Variants in POLA1 observed in about 807,000 individuals in gnomAD.
POLA1 encodes the protein DNA polymerase alpha 1, catalytic subunit.
In POLA1, 15 loss-of-function variants were observed where a neutral mutation model predicts 124.0. That is an observed-to-expected ratio of 0.12 (90% CI 0.08 to 0.19). The LOEUF (loss-of-function observed/expected upper bound fraction) is 0.19, where lower values mean the gene tolerates loss of function less well. Among genes scored for constraint, POLA1 ranks in the 10% least tolerant of loss-of-function variants. POLA1 has a pLI of 1.00. For synonymous variants in POLA1, 408 were observed against 389.4 expected, an observed-to-expected ratio of 1.05 and a Z score of -0.56; for missense variants, 886 against 1,103.4, an observed-to-expected ratio of 0.80 and a Z score of 2.79.
intron 23 of POLA1, among the ~76,000 whole-genome samples, chrX:24,743,908 T>C (rs1246117992): frequency 9.1e-6 from 1 of 110,083 alleles, no homozygotes; most frequent in Non-Finnish European, 1.9e-5. Flanking sequence ...TTTTTTTTTT[T>C]TGGAGACAGA....
At chrX:24,895,715 T>G (rs919265263) in intron 35 of POLA1, among the ~76,000 whole-genome samples, 1 of 112,278 alleles carries the variant, frequency 8.9e-6, no homozygotes, top group Non-Finnish European at 1.9e-5. Context: ...GATTCTGCCA[T>G]GTACCCAGCC....
At chrX:24,965,851 A>G (rs1428901687) in intron 36 of POLA1, among the ~76,000 whole-genome samples, 1 of 111,771 alleles carries the variant, frequency 8.9e-6, no homozygotes, top group African/African-American at 3.2e-5. Context: ...AGCTTTTTTC[A>G]TAGTTTTCAA....
At chrX:24,703,742 G>A (rs1011693877) in intron 3 of POLA1, among the ~76,000 whole-genome samples, 10 of 111,809 alleles carry the variant, frequency 8.9e-5, no homozygotes, top group African/African-American at 2.3e-4. Context: ...ATCTCTCTGC[G>A]CCTTAGAGTC....
chrX:24,843,289 C>T (rs1248539056), intron 33 of POLA1, among the ~76,000 whole-genome samples: 1 of 111,600 alleles, frequency 9.0e-6, no homozygotes, highest in Non-Finnish European at 1.9e-5. Context: ...TAGAGTCCCT[C>T]GTATAGTGAA....
intron 36 of POLA1, among the ~76,000 whole-genome samples, chrX:24,971,117 G>A (rs1250515586): frequency 5.3e-5 from 6 of 112,435 alleles, no homozygotes; most frequent in Admixed American, 9.4e-5. Flanking sequence ...ACCCTCAGTA[G>A]CCATCCTGTG....
chrX:24,745,269 C>CT, intron 23 of POLA1, 149 bp from the exon 24 acceptor site: 2 of 314,849 alleles, frequency 6.4e-6, no homozygotes, highest in Middle Eastern at 9.0e-4. Flanking sequence ...GTAGTTGATT[C>CT]TTTTTTTCCC....
chrX:24,703,410 G>A (rs1019410551), intron 3 of POLA1, 63 bp downstream of exon 3: 4 of 778,098 alleles, frequency 5.1e-6, no homozygotes, highest in Non-Finnish European at 7.7e-6. Context: ...GTTGCTTCTT[G>A]TAGATTCTCA....
intron 10 of POLA1, among the ~76,000 whole-genome samples, chrX:24,722,721 C>T (rs1044733876): frequency 7.2e-5 from 8 of 111,764 alleles, no homozygotes; most frequent in African/African-American, 2.6e-4. Flanking sequence ...ATGTTTGTTT[C>T]TCTTTTTTTT....
At chrX:24,897,200 G>A (rs2047216845) in intron 35 of POLA1, among the ~76,000 whole-genome samples, 1 of 111,678 alleles carries the variant, frequency 9.0e-6, no homozygotes, top group African/African-American at 3.3e-5. Context: ...TACCTTTTGG[G>A]ACCTCAAGTT....
At chrX:24,706,002 G>A (rs1018238816) in intron 4 of POLA1, among the ~76,000 whole-genome samples, 2 of 111,770 alleles carry the variant, frequency 1.8e-5, no homozygotes, top group Non-Finnish European at 3.8e-5. Context: ...TCCTTGTAAA[G>A]CTACTTTCCT....
chrX:24,933,728 CAT>C lies in POLA1; in HGVS notation c.4261+3180_4261+3181del, dbSNP rs760635380. On this transcript the variant is annotated intron_variant, in intron 36 of 36. Coordinates refer to ENST00000379068, the MANE Select transcript of POLA1 (RefSeq NM_001330360.2). ...AACTTGGCAATTTGACTTAGAAAAA[CAT>C]GTACAAATTATTTGAAAGAGGTTTA... Among the ~76,000 whole-genome samples the C allele has an allele frequency of 1.2e-4, 14 of 112,299 alleles. 1 individual carries two copies. The East Asian group carries it at 1.9e-3, about 16-fold the overall frequency.
At chrX:24,733,867 AGG>A (rs781782322) in intron 17 of POLA1, 51 bp downstream of exon 17, 1 of 683,069 alleles carries the variant, frequency 1.5e-6, no homozygotes, top group South Asian at 2.7e-5. Context: ...GAGAAAGAAA[AGG>A]GGGGTGGTAT....
intron 30 of POLA1, among the ~76,000 whole-genome samples, chrX:24,817,237 C>A (rs1393738817): frequency 1.8e-5 from 2 of 111,761 alleles, no homozygotes; most frequent in African/African-American, 6.5e-5. Context: ...CTCTTATGTA[C>A]ACAATGCTGA....
Position 24,861,187 on chromosome X carries a change from C to T in POLA1, c.4047+17510C>T, listed in dbSNP as rs183972112. 9.8e-5 allele frequency among the ~76,000 whole-genome samples: 11 copies of T among 112,238 alleles called. No homozygotes were observed. The East Asian group carries it at 3.1e-3, about 31-fold the overall frequency. Reference sequence around the variant, plus strand: ...CACTCCCTTTGCCCAGACTGGAGTGCAATGGTGTGATCTCAGCTCACTGTA... The same window carrying T: ...CACTCCCTTTGCCCAGACTGGAGTGTAATGGTGTGATCTCAGCTCACTGTA... On this transcript the variant is annotated intron_variant, in intron 34 of 36. Transcript: ENST00000379068.
chrX:24,792,523 T>C (rs2045520940), intron 26 of POLA1, among the ~76,000 whole-genome samples: 1 of 112,575 alleles, frequency 8.9e-6, no homozygotes, highest in Non-Finnish European at 1.9e-5. Context: ...CAGTGAGGCT[T>C]TTATTTTTCT....
chrX:24,716,914 G>C lies in POLA1; in HGVS notation c.649G>C (p.Val217Leu). 8.3e-7 allele frequency: 1 copy of C among 1,203,031 alleles called. No homozygotes were observed. Among genetic ancestry groups the C allele is most frequent in the Non-Finnish European group, 1.1e-6 (1 of 888,926 alleles). ...AVPSGKIASP[V>L]SRKEPPLTPV... ...TCCTTCAGGAAAAATTGCTTCCCCT[G>C]TCTCCAGAAAGGAGCCTCCATTAAC... Residue 217 changes from valine to leucine, a missense_variant, in exon 8 of 37, where the codon GTC (valine) becomes CTC (leucine). Around this residue, in one of 7 missense-constraint regions of POLA1, gnomAD observed 337 missense variants for 402.8 expected, o/e 0.84. Coordinates refer to ENST00000379068, the MANE Select transcript of POLA1 (RefSeq NM_001330360.2).
chrX:24,740,217 T>C (rs2148389348), intron 20 of POLA1, among the ~76,000 whole-genome samples: 1 of 112,008 alleles, frequency 8.9e-6, no homozygotes, highest in South Asian at 3.7e-4. Context: ...TTTTTTCCAT[T>C]ATCACTGGAA....
At chrX:24,748,135 A>G (rs756931167) in intron 24 of POLA1, among the ~76,000 whole-genome samples, 176 bp from the exon 25 acceptor site, 50 of 112,617 alleles carry the variant, frequency 4.4e-4, no homozygotes, top group African/African-American at 1.5e-3. Context: ...GAGGGCAATC[A>G]TGACCTGTTC....
chrX:24,911,348 A>G (rs1339839724), intron 35 of POLA1, among the ~76,000 whole-genome samples: 2 of 111,685 alleles, frequency 1.8e-5, no homozygotes, highest in African/African-American at 6.5e-5. Context: ...CCCAGTTGAT[A>G]AAAATCAGCC....
Sources: allele counts gnomAD v4.1 joint callset (sites outside exome capture counted in the v4.1 genomes callset), GRCh38; gene constraint gnomAD v4.1.1; regional missense constraint gnomAD v4.1.1; transcripts MANE v1.5; gene names NCBI Gene and HGNC (gene_info 2026-07-23, HGNC 2026-07-21).